The following DLGAP2 variants were observed in gnomAD, a reference collection of about 807,000 sequenced individuals.
DLGAP2 encodes DLG associated protein 2, also known as disks large-associated protein 2.
In DLGAP2, 26 loss-of-function variants were observed where a neutral mutation model predicts 100.3. That is an observed-to-expected ratio of 0.26 (90% CI 0.19 to 0.36). The LOEUF is 0.36. Ranked by LOEUF, DLGAP2 falls within the 10% of genes least tolerant of loss-of-function variation. DLGAP2 has a pLI of 1.00. For missense variants in DLGAP2, 1,858 were observed against 1,453.2 expected, an observed-to-expected ratio of 1.28 and a Z score of -4.53; for synonymous variants, 886 against 630.1, an observed-to-expected ratio of 1.41 and a Z score of -6.08.
chr8:1,201,863 T>G (rs1387791247), intron 2 of DLGAP2, among the ~76,000 whole-genome samples: 1 of 151,872 alleles, frequency 6.6e-6, no homozygotes, highest in East Asian at 1.9e-4. Flanking sequence ...GTACGGTATC[T>G]ATCTGTGGTG....
chr8:1,477,182 G>A (rs1486065245), intron 3 of DLGAP2, among the ~76,000 whole-genome samples: 1 of 152,210 alleles, frequency 6.6e-6, no homozygotes, highest in Non-Finnish European at 1.5e-5. Context: ...AGAGGAAGTT[G>A]CGGGGGTGGA....
At chr8:1,341,049 A>G (rs1233481649) in intron 3 of DLGAP2, among the ~76,000 whole-genome samples, 3 of 152,134 alleles carry the variant, frequency 2.0e-5, no homozygotes, top group African/African-American at 7.2e-5. Flanking sequence ...TCACGGACAC[A>G]TAGAGGGGAA....
At chr8:912,773 G>A (rs1013699660) in intron 2 of DLGAP2, among the ~76,000 whole-genome samples, 7 of 146,384 alleles carry the variant, frequency 4.8e-5, no homozygotes, top group South Asian at 2.2e-4. Context: ...TGACCCCTGC[G>A]CTATGGTGCC....
intron 2 of DLGAP2, among the ~76,000 whole-genome samples, chr8:941,222 A>G (rs1171292057): frequency 6.6e-6 from 1 of 152,178 alleles, no homozygotes; most frequent in East Asian, 1.9e-4. Flanking sequence ...GCTAGTGACC[A>G]GACAGACACA....
At chr8:1,238,353 G>A (rs1273107166) in intron 2 of DLGAP2, among the ~76,000 whole-genome samples, 1 of 12,768 alleles carries the variant, frequency 7.8e-5, no homozygotes. Flanking sequence ...ACAGAGCATC[G>A]TGTCTAGTTC....
chr8:1,439,913 C>A (rs1797778868), intron 3 of DLGAP2, among the ~76,000 whole-genome samples: 2 of 152,116 alleles, frequency 1.3e-5, no homozygotes, highest in South Asian at 2.1e-4. Flanking sequence ...CATCCCTAGA[C>A]AATGACAGTG....
chr8:1,428,241 T>C (rs185605867), intron 3 of DLGAP2, among the ~76,000 whole-genome samples: 255 of 152,178 alleles, frequency 1.7e-3, no homozygotes, highest in African/African-American at 6.0e-3. Flanking sequence ...ATTAGAAATA[T>C]AATTTTTTGA....
At chr8:1,432,979 G>T (rs1797496276) in intron 3 of DLGAP2, among the ~76,000 whole-genome samples, 1 of 152,120 alleles carries the variant, frequency 6.6e-6, no homozygotes, top group Non-Finnish European at 1.5e-5. Flanking sequence ...GACTGCTCCA[G>T]GACTCACAGG....
intron 10 of DLGAP2, among the ~76,000 whole-genome samples, chr8:1,671,792 A>G (rs1034721401): frequency 1.3e-5 from 2 of 152,190 alleles, no homozygotes; most frequent in East Asian, 1.9e-4. Context: ...CCCTTACAGC[A>G]GGACTCACAG....
intron 2 of DLGAP2, among the ~76,000 whole-genome samples, chr8:1,233,843 C>T (rs60800760): frequency 0.44 from 67,504 of 151,778 alleles, 15,918 homozygotes; most frequent in Middle Eastern, 0.54. Context: ...TATTTTAATC[C>T]GTAAGCTAAA....
At position 888,666 on chromosome 8, in the gene DLGAP2, C is replaced by A. The variant is rs1383464351; in HGVS notation, c.19-19246C>A. Among the ~76,000 whole-genome samples, 2 of 150,766 alleles carry A rather than the reference C, an allele frequency of 1.3e-5. 1 individual carries two copies. The highest frequency in any genetic ancestry group is 2.9e-5 in the Non-Finnish European group (2 of 67,880). ...GGGGTGCTGCAGTTTGCTGGGGGTT[C>A]ACTTCAGGCCCTATTCATCTGACTC... On this transcript the variant is annotated intron_variant, in intron 1 of 14. Transcript: ENST00000637795.
intron 1 of DLGAP2, among the ~76,000 whole-genome samples, chr8:780,025 C>G (rs530553661): frequency 1.3e-5 from 2 of 152,098 alleles, no homozygotes; most frequent in Non-Finnish European, 2.9e-5. Context: ...CATTAAAATT[C>G]TATTCTAGAG....
intron 6 of DLGAP2, among the ~76,000 whole-genome samples, chr8:1,590,772 A>T (rs1796266719): frequency 1.3e-5 from 2 of 152,162 alleles, no homozygotes; most frequent in Admixed American, 6.5e-5. Context: ...CCTGAGGGAC[A>T]TTCCTTCCTC....
At chr8:1,603,108 G>A (rs112432538) in intron 6 of DLGAP2, among the ~76,000 whole-genome samples, 3,406 of 152,030 alleles carry the variant, frequency 0.022, 119 homozygotes, top group African/African-American at 0.079. Flanking sequence ...TGGTTAGAGT[G>A]GAGGCTGGGT....
intron 2 of DLGAP2, among the ~76,000 whole-genome samples, chr8:1,126,703 T>C (rs991870781): frequency 6.6e-6 from 1 of 152,098 alleles, no homozygotes; most frequent in African/African-American, 2.4e-5. Flanking sequence ...CTCAGGGTCA[T>C]GTTAGTCAGA....
intron 3 of DLGAP2, among the ~76,000 whole-genome samples, chr8:1,272,002 TG>T (rs1799593371): frequency 6.6e-6 from 1 of 151,942 alleles, no homozygotes; most frequent in South Asian, 2.1e-4. Context: ...TTAGTAGAGA[TG>T]GGATTTCACT....
In DLGAP2 at chr8:927,057, G is replaced by A. The variant is rs992904588; in HGVS notation, c.73+19091G>A. On this transcript the variant is annotated intron_variant, in intron 2 of 14. Transcript: ENST00000637795. ...CGGGGACTGGAGGCCTGGAGGAGCC[G>A]ATGTGGGAGAGATCCTCGTGGGAGG... 97 of 985,444 alleles carry A rather than the reference G, an allele frequency of 9.8e-5. No homozygotes were observed. In the South Asian group the frequency reaches 1.5e-3, roughly 15 times the overall value. The allele number at this position is 985,444 out of a possible 1,614,324, so 61.0% of individuals were successfully genotyped here. A position where few individuals can be genotyped will look rare whatever the true frequency, so the allele number is the denominator to read the frequency against.
intron 2 of DLGAP2, among the ~76,000 whole-genome samples, chr8:943,735 G>C (rs927859539): frequency 2.0e-5 from 3 of 152,266 alleles, no homozygotes; most frequent in Admixed American, 1.3e-4. Flanking sequence ...CCCGCCACAA[G>C]CACAGCGAGA....
At chr8:1,185,934 C>T (rs929066609) in intron 2 of DLGAP2, among the ~76,000 whole-genome samples, 1 of 152,144 alleles carries the variant, frequency 6.6e-6, no homozygotes, top group Admixed American at 6.6e-5. Flanking sequence ...CTTCTCGCCT[C>T]GGAGTTCCAT....
Sources: allele counts gnomAD v4.1 joint callset (sites outside exome capture counted in the v4.1 genomes callset), GRCh38; gene constraint gnomAD v4.1.1; transcripts MANE v1.5; gene names NCBI Gene and HGNC (gene_info 2026-07-23, HGNC 2026-07-21).